Variants in IL1RAPL1 observed in about 807,000 individuals in gnomAD.
IL1RAPL1 encodes the protein interleukin-1 receptor accessory protein-like 1.
A neutral mutation model predicts 48.4 loss-of-function variants in IL1RAPL1; 3 were observed. The observed-to-expected ratio is 0.06, with a 90% CI of 0.03 to 0.16. The LOEUF is 0.16. Among genes scored for constraint, IL1RAPL1 ranks in the 10% least tolerant of loss-of-function variants. The pLI is 1.00. For missense variants in IL1RAPL1, 349 were observed against 530.6 expected, an observed-to-expected ratio of 0.66 and a Z score of 3.36; for synonymous variants, 185 against 187.7, an observed-to-expected ratio of 0.99 and a Z score of 0.12.
chrX:29,247,013 A>T (rs1704805375), intron 2 of IL1RAPL1, among the ~76,000 whole-genome samples: 1 of 112,385 alleles, frequency 8.9e-6, no homozygotes, highest in Admixed American at 9.5e-5. Flanking sequence ...ATGTGAAAAA[A>T]TAGTTTGTTA....
intron 5 of IL1RAPL1, among the ~76,000 whole-genome samples, chrX:29,480,413 G>T (rs1468900416): frequency 9.4e-6 from 1 of 106,325 alleles, no homozygotes; most frequent in Non-Finnish European, 1.9e-5. Context: ...ATCTTGGCCT[G>T]ATCTACCCCT....
At chrX:28,781,250 C>A (rs988151365) in intron 1 of IL1RAPL1, among the ~76,000 whole-genome samples, 6 of 108,799 alleles carry the variant, frequency 5.5e-5, no homozygotes, top group Non-Finnish European at 7.7e-5. Flanking sequence ...TTGAAGTCCT[C>A]TTCCAAGCTC....
chrX:29,950,196 A>T (rs1412788918), intron 9 of IL1RAPL1, among the ~76,000 whole-genome samples: 2 of 112,251 alleles, frequency 1.8e-5, no homozygotes, highest in African/African-American at 6.5e-5. Flanking sequence ...GAGATAGAAA[A>T]CTAACTGATG....
chrX:28,690,685 C>T (rs73547852), intron 1 of IL1RAPL1, among the ~76,000 whole-genome samples: 1,196 of 111,450 alleles, frequency 0.011, 12 homozygotes, highest in African/African-American at 0.037. Flanking sequence ...CATGCTCAAT[C>T]CCCCAGCAAA....
chrX:29,849,781 A>G (rs887005707), intron 6 of IL1RAPL1, among the ~76,000 whole-genome samples: 2 of 112,052 alleles, frequency 1.8e-5, no homozygotes, highest in Non-Finnish European at 3.8e-5. Flanking sequence ...GATCAGGTCG[A>G]AGAGGCTGCC....
At chrX:29,796,114 T>C (rs1012048039) in intron 6 of IL1RAPL1, among the ~76,000 whole-genome samples, 2 of 112,021 alleles carry the variant, frequency 1.8e-5, no homozygotes, top group South Asian at 7.4e-4. Context: ...CCACCTCTAC[T>C]CATATTCCCG....
chrX:28,657,352 T>G (rs1934761432), intron 1 of IL1RAPL1, among the ~76,000 whole-genome samples: 1 of 112,131 alleles, frequency 8.9e-6, no homozygotes, highest in African/African-American at 3.2e-5. Flanking sequence ...TTTTTTCCAG[T>G]TCCAGTAAAA....
At chrX:29,352,201 C>T (rs1453128800) in intron 3 of IL1RAPL1, among the ~76,000 whole-genome samples, 1 of 111,431 alleles carries the variant, frequency 9.0e-6, no homozygotes, top group African/African-American at 3.3e-5. Context: ...GCAATAGCTG[C>T]TCTCTGCTCT....
At chrX:28,847,320 T>G (rs963515295) in intron 2 of IL1RAPL1, among the ~76,000 whole-genome samples, 5 of 111,448 alleles carry the variant, frequency 4.5e-5, no homozygotes, top group Non-Finnish European at 9.4e-5. Context: ...CTCACCTGTT[T>G]TATTTCAATA....
chrX:29,376,569 C>T (rs1380896927), intron 3 of IL1RAPL1, among the ~76,000 whole-genome samples: 2 of 110,170 alleles, frequency 1.8e-5, no homozygotes, highest in Admixed American at 1.9e-4. Flanking sequence ...GATGGGGTTT[C>T]ACCATGTCAC....
At chrX:29,497,559 T>A (rs762533808) in intron 5 of IL1RAPL1, among the ~76,000 whole-genome samples, 22 of 111,459 alleles carry the variant, frequency 2.0e-4, no homozygotes, top group Non-Finnish European at 1.9e-5. Flanking sequence ...TTTTCTAACA[T>A]TCATGTAGCT....
At chrX:28,767,106 G>C (rs1358057024) in intron 1 of IL1RAPL1, among the ~76,000 whole-genome samples, 2 of 111,016 alleles carry the variant, frequency 1.8e-5, no homozygotes, top group African/African-American at 6.5e-5. Context: ...AGTTTTTTTA[G>C]GAACCTCCAA....
At chrX:29,319,339 A>G (rs1602168283) in intron 3 of IL1RAPL1, among the ~76,000 whole-genome samples, 1 of 93,827 alleles carries the variant, frequency 1.1e-5, no homozygotes, top group Non-Finnish European at 2.1e-5. Flanking sequence ...CTACAAGTGC[A>G]CCCCACTGCA....
intron 6 of IL1RAPL1, among the ~76,000 whole-genome samples, chrX:29,913,843 C>T (rs1932778215): frequency 9.0e-6 from 1 of 111,398 alleles, no homozygotes; most frequent in Non-Finnish European, 1.9e-5. Flanking sequence ...CAGCGCTGCT[C>T]CTGCTCTTGC....
chrX:29,441,526 T>C (rs1392909985), intron 5 of IL1RAPL1, among the ~76,000 whole-genome samples: 1 of 112,364 alleles, frequency 8.9e-6, no homozygotes, highest in Non-Finnish European at 1.9e-5. Flanking sequence ...CACAACTATG[T>C]CCCTGTACTC....
At chrX:29,723,845 C>T (rs1009548028) in intron 6 of IL1RAPL1, among the ~76,000 whole-genome samples, 4 of 110,594 alleles carry the variant, frequency 3.6e-5, no homozygotes, top group African/African-American at 9.9e-5. Flanking sequence ...GACACAGTCT[C>T]GCTGTGTTGC....
intron 6 of IL1RAPL1, among the ~76,000 whole-genome samples, chrX:29,696,286 G>A (rs1413689141): frequency 9.0e-6 from 1 of 111,552 alleles, no homozygotes; most frequent in East Asian, 2.8e-4. Context: ...CAGATTTAGA[G>A]AAGTCTAGTA....
chrX:28,951,785 G>A (rs1263258309), intron 2 of IL1RAPL1, among the ~76,000 whole-genome samples: 1 of 111,952 alleles, frequency 8.9e-6, no homozygotes, highest in African/African-American at 3.2e-5. Flanking sequence ...GAGCATCTGA[G>A]CTTCCTGACA....
At chrX:29,709,506 G>A (rs1209518342) in intron 6 of IL1RAPL1, among the ~76,000 whole-genome samples, 1 of 110,674 alleles carries the variant, frequency 9.0e-6, no homozygotes, top group East Asian at 3.0e-4. Context: ...TGGTCGATGT[G>A]TCTCTTTTTT....
Sources: gnomAD v4.1 joint callset for allele counts (sites outside exome capture counted in the v4.1 genomes callset) on GRCh38, gnomAD v4.1.1 for gene constraint, MANE v1.5 for transcripts, NCBI Gene and HGNC (gene_info 2026-07-23, HGNC 2026-07-21) for gene names.